Variants in ZNF365 observed in about 807,000 individuals in gnomAD.
The protein encoded by ZNF365 is zinc finger protein 365.
Under a neutral mutation model 35.0 loss-of-function variants are expected in ZNF365, and 22 were observed. The ratio of observed to expected loss-of-function variants is 0.63; its 90% CI spans 0.45 to 0.90. The LOEUF is 0.90. Among genes scored for constraint, ZNF365 ranks in the 40% least tolerant of loss-of-function variants. ZNF365 has a pLI of 0.00. For missense variants in ZNF365, 448 were observed against 500.3 expected, an observed-to-expected ratio of 0.90 and a Z score of 1.00; for synonymous variants, 188 against 196.2, an observed-to-expected ratio of 0.96 and a Z score of 0.35.
Position 62,376,621 on chromosome 10 carries a change from G to T in ZNF365, c.428G>T (p.Arg143Leu). Reference protein sequence around the residue: ...DLHADSLDGTRSGPGLPTSDT... With the variant: ...DLHADSLDGTLSGPGLPTSDT... The stretch of plus-strand genomic sequence containing the variant: ...CATGCAGACTCGCTGGATGGGACAC[G>T]GTCGGGTCCTGGACTGCCCACCTCA... Residue 143 changes from arginine (R) to leucine (L), a missense_variant, in exon 2 of 5, where the codon CGG becomes CTG. Physicochemically the swap from Arg to Leu is moderately radical, Grantham distance 102. This residue lies in a region of ZNF365 where 362 missense variants were observed against 375.7 expected (regional missense o/e 0.96). Coordinates refer to ENST00000395254, the MANE Select transcript of ZNF365 (RefSeq NM_014951.3). 1 of 1,614,134 alleles carries T rather than the reference G, an allele frequency of 6.2e-7. No individual in the cohort carries two copies. Among genetic ancestry groups the T allele is most frequent in the Non-Finnish European group, 8.5e-7 (1 of 1,180,020 alleles).
Position 62,400,986 on chromosome 10 carries a change from G to A in ZNF365, c.*1197G>A. ...TTTAGTTTCCACAAAGAGCTGTTAAGAATTTCCTGCTGTATGATTTTCCTC... is the reference window on the plus strand; with the variant it reads ...TTTAGTTTCCACAAAGAGCTGTTAAAAATTTCCTGCTGTATGATTTTCCTC... On this transcript the variant is annotated 3_prime_UTR_variant, in exon 5 of 5. Coordinates refer to ENST00000395254, the MANE Select transcript of ZNF365 (RefSeq NM_014951.3). 1 of 985,470 alleles carries A rather than the reference G, an allele frequency of 1.0e-6. No homozygotes were observed. Among genetic ancestry groups the A allele is most frequent in the Non-Finnish European group, 1.2e-6 (1 of 829,918 alleles). The allele number at this position is 985,470 out of a possible 1,614,324, so 61.0% of individuals were successfully genotyped here.
intron 4 of ZNF365, among the ~76,000 whole-genome samples, chr10:62,462,413 G>C (rs1056165818): frequency 1.3e-5 from 2 of 152,214 alleles, no homozygotes; most frequent in African/African-American, 4.8e-5. Flanking sequence ...CGCTCCATAA[G>C]TGTACCCCTC....
chr10:62,455,435 A>G (rs1392555884), intron 3 of ZNF365, among the ~76,000 whole-genome samples: 1 of 152,208 alleles, frequency 6.6e-6, no homozygotes, highest in African/African-American at 2.4e-5. Flanking sequence ...TTCTGGTGAT[A>G]AAGATAATAC....
chr10:62,414,573 T>C (rs4309048), intron 3 of ZNF365, among the ~76,000 whole-genome samples: 95,709 of 151,904 alleles, frequency 0.63, 30,851 homozygotes, highest in East Asian at 0.84. Context: ...TTGTACTACC[T>C]GGTGGATCAT....
intron 4 of ZNF365, among the ~76,000 whole-genome samples, chr10:62,462,635 A>G (rs191032833): frequency 1.1e-4 from 16 of 152,334 alleles, no homozygotes; most frequent in Admixed American, 8.5e-4. Context: ...AACATTGCAT[A>G]AGACCCTGTA....
intron 3 of ZNF365, among the ~76,000 whole-genome samples, chr10:62,442,365 C>T (rs1840514883): frequency 6.6e-6 from 1 of 152,146 alleles, no homozygotes; most frequent in African/African-American, 2.4e-5. Context: ...GTGTAAATTC[C>T]ATACATTGAC....
chr10:62,399,085 T>G (rs1164983456), intron 4 of ZNF365, among the ~76,000 whole-genome samples: 1 of 152,342 alleles, frequency 6.6e-6, no homozygotes, highest in East Asian at 1.9e-4. Context: ...TATAGTACTA[T>G]TAATGTAGTT....
At chr10:62,460,028 T>C (rs1002770844) in intron 4 of ZNF365, among the ~76,000 whole-genome samples, 1 of 152,226 alleles carries the variant, frequency 6.6e-6, no homozygotes, top group African/African-American at 2.4e-5. Context: ...CTATATATGA[T>C]GTTCCTTTTA....
chr10:62,415,849 T>C (rs543823604), intron 3 of ZNF365, among the ~76,000 whole-genome samples: 15 of 152,250 alleles, frequency 9.9e-5, no homozygotes, highest in African/African-American at 3.6e-4. Flanking sequence ...CAAATGCCCC[T>C]AGGAAAAAGT....
intron 4 of ZNF365, among the ~76,000 whole-genome samples, chr10:62,470,602 T>C (rs1046498747): frequency 5.3e-5 from 8 of 152,212 alleles, no homozygotes; most frequent in African/African-American, 1.2e-4. Context: ...GATTGCCAAA[T>C]TGACCCACAG....
chr10:62,471,058 T>C (rs2132490103), intron 4 of ZNF365, among the ~76,000 whole-genome samples: 1 of 152,228 alleles, frequency 6.6e-6, no homozygotes, highest in East Asian at 1.9e-4. Flanking sequence ...ATTTACAGTT[T>C]GAGGTAAGGA....
chr10:62,408,572 T>C (rs950619312), intron 3 of ZNF365, among the ~76,000 whole-genome samples: 7 of 152,182 alleles, frequency 4.6e-5, no homozygotes, highest in Non-Finnish European at 1.0e-4. Context: ...TTTAGCATAA[T>C]ACCTGGCACA....
chr10:62,400,503 G>A lies in ZNF365; in HGVS notation c.*714G>A, dbSNP rs768147072. ...TTTGGCTGAGTATTCTGCACCCACA[G>A]ACCATGCTGCCAGCCTCTATCTTAA... On this transcript the variant is annotated 3_prime_UTR_variant, in exon 5 of 5. Transcript: ENST00000395254. 13 of 986,010 alleles carry A rather than the reference G, an allele frequency of 1.3e-5. No homozygotes were observed. The highest frequency in any genetic ancestry group is 1.6e-5 in the Non-Finnish European group (13 of 829,952). The allele number at this position is 986,010 out of a possible 1,614,324, so 61.1% of individuals were successfully genotyped here. A position where few individuals can be genotyped will look rare whatever the true frequency, so the allele number is the denominator to read the frequency against.
rs1839806183 is a variant in ZNF365 at position 62,400,374 on chromosome 10, G to A, written c.*585G>A. 1 of 986,212 alleles carries A rather than the reference G, an allele frequency of 1.0e-6. No homozygotes were observed. The highest frequency in any genetic ancestry group is 1.7e-5 in the African/African-American group (1 of 57,352). The allele number at this position is 986,212 out of a possible 1,614,324, so 61.1% of individuals were successfully genotyped here. On this transcript the variant is annotated 3_prime_UTR_variant, in exon 5 of 5. Transcript: ENST00000395254. ...AAGGGACTCGTTCAGTCAGACTTCA[G>A]TTCTCATTCCGACAGGGTGTCTTTC...
chr10:62,400,131 C>T lies in ZNF365; in HGVS notation c.*342C>T, dbSNP rs2132429727. 9.5e-7 allele frequency: 1 copy of T among 1,047,574 alleles called. No homozygotes were observed. Among genetic ancestry groups the T allele is most frequent in the Non-Finnish European group, 1.2e-6 (1 of 868,038 alleles). 64.9% of individuals were successfully genotyped at this position (1,047,574 alleles called of 1,614,324 possible). On this transcript the variant is annotated 3_prime_UTR_variant, in exon 5 of 5. Transcript: ENST00000395254. ...TCACTAATTTTCAGGACCAAGGCCA[C>T]ACAAAATGTCAGGCCTAGGGAGAAA...
intron 3 of ZNF365, among the ~76,000 whole-genome samples, chr10:62,428,307 T>C (rs369476768): frequency 6.4e-4 from 98 of 152,148 alleles, no homozygotes; most frequent in African/African-American, 2.2e-3. Flanking sequence ...TCATCTTGAA[T>C]TGTAGTTCCC....
At position 62,419,729 on chromosome 10, in the gene ZNF365, T is replaced by C. The variant is rs116774628; in HGVS notation, c.924+31153T>C. 1.6e-3 allele frequency among the ~76,000 whole-genome samples: 244 copies of C among 152,252 alleles called. 1 individual carries two copies. Among genetic ancestry groups the C allele is most frequent in the African/African-American group, 5.6e-3 (231 of 41,546 alleles). ...AGCGGGGAGTAGGGTTTTTCTTGTG[T>C]TATTTATTGTTGTTTTTGCATGAAC... On this transcript the variant is annotated intron_variant, in intron 3 of 4. Transcript: ENST00000395255.
At chr10:62,407,319 A>G (rs1389288839), downstream of ZNF365, among the ~76,000 whole-genome samples, 2 of 152,184 alleles carry the variant, frequency 1.3e-5, no homozygotes, top group Non-Finnish European at 2.9e-5. Flanking sequence ...GCTCCCCTGA[A>G]CTGCTGTATA....
At chr10:62,451,305 G>A (rs541826086) in intron 3 of ZNF365, among the ~76,000 whole-genome samples, 1 of 152,090 alleles carries the variant, frequency 6.6e-6, no homozygotes, top group Non-Finnish European at 1.5e-5. Context: ...TGCTTGTGGT[G>A]CCTGCCTGAG....
Sources: gnomAD v4.1 joint callset for allele counts (sites outside exome capture counted in the v4.1 genomes callset) on GRCh38, gnomAD v4.1.1 for gene constraint, gnomAD v4.1.1 regional missense constraint, MANE v1.5 for transcripts, NCBI Gene and HGNC (gene_info 2026-07-23, HGNC 2026-07-21) for gene names.